SLC35F3: variants seen among roughly 807,000 people sequenced by gnomAD.
The protein encoded by SLC35F3 is solute carrier family 35 member F3, also known as putative thiamine transporter SLC35F3.
SLC35F3 carries 25 observed loss-of-function variants against 49.9 expected under a neutral mutation model. The ratio of observed to expected loss-of-function variants is 0.50; its 90% CI spans 0.37 to 0.70. SLC35F3 has a LOEUF of 0.70. SLC35F3 is among the 30% of genes least tolerant of loss of function. The pLI, the probability that SLC35F3 is intolerant of heterozygous loss-of-function variation, is 0.00. For synonymous variants in SLC35F3, 275 were observed against 265.4 expected (o/e 1.04, Z -0.35); for missense variants, 525 against 639.8 (o/e 0.82, Z 1.94).
chr1:233,987,459 G>A (rs1158619969), intron 2 of SLC35F3, among the ~76,000 whole-genome samples: 1 of 147,762 alleles, frequency 6.8e-6, no homozygotes, highest in African/African-American at 2.6e-5. Flanking sequence ...TCTATTCTAG[G>A]TATATTGCAG....
intron 2 of SLC35F3, among the ~76,000 whole-genome samples, chr1:233,942,047 A>C (rs1366905518): frequency 1.4e-5 from 2 of 137,994 alleles, no homozygotes; most frequent in African/African-American, 5.3e-5. Flanking sequence ...TGCAACCTCC[A>C]CCTCCCAGGT....
intron 2 of SLC35F3, among the ~76,000 whole-genome samples, chr1:234,167,953 G>A (rs1339342132): frequency 6.6e-6 from 1 of 152,208 alleles, no homozygotes; most frequent in African/African-American, 2.4e-5. Flanking sequence ...TGGGCCTATA[G>A]CCCCTGTTAG....
chr1:233,988,668 G>A (rs1663304753), intron 2 of SLC35F3, among the ~76,000 whole-genome samples: 3 of 152,142 alleles, frequency 2.0e-5, no homozygotes, highest in Admixed American at 1.3e-4. Context: ...TTGTCCATCT[G>A]TTGCTTACTT....
At chr1:234,032,147 TAA>T (rs1664073693) in intron 2 of SLC35F3, among the ~76,000 whole-genome samples, 1 of 152,116 alleles carries the variant, frequency 6.6e-6, no homozygotes, top group African/African-American at 2.4e-5. Context: ...TATAAAAAAA[TAA>T]GAGTTGAGCT....
intron 3 of SLC35F3, among the ~76,000 whole-genome samples, chr1:234,274,821 A>G (rs16842847): frequency 0.061 from 9,219 of 152,290 alleles, 338 homozygotes; most frequent in African/African-American, 0.099. Flanking sequence ...CTGCATTTCA[A>G]GGACTCTATT....
At chr1:234,099,215 T>C (rs969668017) in intron 2 of SLC35F3, among the ~76,000 whole-genome samples, 1 of 152,120 alleles carries the variant, frequency 6.6e-6, no homozygotes, top group Non-Finnish European at 1.5e-5. Context: ...ACTACCATAG[T>C]TTACTTAGCA....
chr1:234,322,063 G>T (rs1435819127), intron 7 of SLC35F3, among the ~76,000 whole-genome samples: 1 of 151,736 alleles, frequency 6.6e-6, no homozygotes, highest in Non-Finnish European at 1.5e-5. Flanking sequence ...GCCAGGCGTG[G>T]TGGCACCTAT....
Position 234,167,113 on chromosome 1 carries a change from A to G in SLC35F3, c.284-64304A>G, listed in dbSNP as rs79879664. ...TTCAGGAGCCAGGTTAGAAATTACTATCTACCATTGCCTTCTTTTCATTCT... is the reference window on the plus strand; with the variant it reads ...TTCAGGAGCCAGGTTAGAAATTACTGTCTACCATTGCCTTCTTTTCATTCT... On this transcript the variant is annotated intron_variant, in intron 2 of 7. Coordinates refer to ENST00000366618, the MANE Select transcript of SLC35F3 (RefSeq NM_173508.4). Among the ~76,000 whole-genome samples the G allele has an allele frequency of 3.1e-3, 474 of 152,298 alleles. 3 individuals carry two copies. The highest frequency in any genetic ancestry group is 0.011 in the African/African-American group (454 of 41,572).
intron 2 of SLC35F3, among the ~76,000 whole-genome samples, chr1:234,149,033 T>A (rs546748708): frequency 1.3e-5 from 2 of 152,150 alleles, no homozygotes; most frequent in Admixed American, 1.3e-4. Context: ...CAAGTGAAGA[T>A]GTCAAATCAG....
intron 3 of SLC35F3, among the ~76,000 whole-genome samples, chr1:234,232,602 CTT>C (rs983982711): frequency 1.4e-5 from 2 of 147,796 alleles, no homozygotes; most frequent in African/African-American, 5.0e-5. Flanking sequence ...GCCCTGGAAA[CTT>C]TTATCAGCCC....
chr1:234,207,673 C>A (rs1050311512), intron 2 of SLC35F3, among the ~76,000 whole-genome samples: 2 of 151,834 alleles, frequency 1.3e-5, no homozygotes, highest in Admixed American at 1.3e-4. Context: ...ACATAGTACT[C>A]CAACAAATAA....
At chr1:233,955,367 C>G (rs527691674) in intron 2 of SLC35F3, among the ~76,000 whole-genome samples, 1 of 152,146 alleles carries the variant, frequency 6.6e-6, no homozygotes, top group South Asian at 2.1e-4. Flanking sequence ...TTCCTCCCTG[C>G]AACCCCCAGC....
chr1:234,321,420 C>G (rs1305651398), intron 7 of SLC35F3, among the ~76,000 whole-genome samples: 1 of 152,224 alleles, frequency 6.6e-6, no homozygotes, highest in Non-Finnish European at 1.5e-5. Flanking sequence ...ACCGATGAGA[C>G]AGCATTTCAA....
At chr1:234,006,231 CTAGTT>C (rs1308343643) in intron 2 of SLC35F3, among the ~76,000 whole-genome samples, 2 of 152,164 alleles carry the variant, frequency 1.3e-5, no homozygotes, top group Non-Finnish European at 2.9e-5. Context: ...GAATAAATGG[CTAGTT>C]CATATTTGCA....
intron 3 of SLC35F3, among the ~76,000 whole-genome samples, chr1:234,301,858 C>T (rs12119377): frequency 0.1 from 15,545 of 152,226 alleles, 969 homozygotes; most frequent in African/African-American, 0.18. Flanking sequence ...ACTATGCAGC[C>T]ATGAAAAGAA....
intron 2 of SLC35F3, among the ~76,000 whole-genome samples, chr1:234,053,373 A>AT (rs1287771281): frequency 6.6e-6 from 1 of 152,108 alleles, no homozygotes; most frequent in African/African-American, 2.4e-5. Context: ...TGTTTAATTG[A>AT]TTCCTTTACC....
chr1:233,994,130 C>A (rs75125856), intron 2 of SLC35F3, among the ~76,000 whole-genome samples: 1 of 151,976 alleles, frequency 6.6e-6, no homozygotes. Context: ...TTTGTCTTGC[C>A]GTGTTATTGG....
At chr1:233,945,800 CT>C (rs1421578855) in intron 2 of SLC35F3, among the ~76,000 whole-genome samples, 1 of 152,230 alleles carries the variant, frequency 6.6e-6, no homozygotes, top group African/African-American at 2.4e-5. Flanking sequence ...TGTGACTTTG[CT>C]TCTCATTCAC....
chr1:234,142,325 A>T (rs899490067), intron 2 of SLC35F3, among the ~76,000 whole-genome samples: 2 of 152,192 alleles, frequency 1.3e-5, no homozygotes, highest in East Asian at 3.9e-4. Context: ...GACTCTTTGC[A>T]CTAAAGGTTG....
Sources: gnomAD v4.1 joint callset for allele counts (sites outside exome capture counted in the v4.1 genomes callset) on GRCh38, gnomAD v4.1.1 for gene constraint, MANE v1.5 for transcripts, NCBI Gene and HGNC (gene_info 2026-07-23, HGNC 2026-07-21) for gene names.